The following DYNLT2 variants were observed in gnomAD, a reference collection of about 807,000 sequenced individuals.
DYNLT2 encodes the protein dynein light chain Tctex-type 2.
In DYNLT2, 24 loss-of-function variants were observed where a neutral mutation model predicts 24.3. That is an observed-to-expected ratio of 0.99 (90% CI 0.71 to 1.39). The LOEUF (loss-of-function observed/expected upper bound fraction) is 1.39. Ranked by LOEUF, DYNLT2 falls within the 40% of genes most tolerant of loss-of-function variation. The probability of loss-of-function intolerance (pLI) is 0.00; values close to 1 mark genes in which losing one functional copy is unlikely to be tolerated. For synonymous variants in DYNLT2, 85 were observed against 85.4 expected (o/e 1.00, Z 0.03); for missense variants, 246 against 234.5 (o/e 1.05, Z -0.32).
rs757724091 is a variant in DYNLT2, at chr6:169,743,115, C to G, written c.451G>C (p.Val151Leu). The G allele has an allele frequency of 2.5e-6, 4 of 1,576,268 alleles. No individual in the cohort carries two copies. The highest frequency in any genetic ancestry group is 2.6e-6 in the Non-Finnish European group (3 of 1,156,010). ...TGGCCAGTCTTTTGAATAAATAATA[C>G]TTTTATAATGAACTTATAACGGTGG... ...GYHRYKFIIKVLFIQKTGQAI... is the reference protein window; with the variant it reads ...GYHRYKFIIKLLFIQKTGQAI... Residue 151 changes from valine to leucine, a missense_variant, in exon 3 of 4, where the codon GTA (valine) becomes CTA (leucine). Transcript: ENST00000366774.
At chr6:169,738,320 C>A (rs1042596975), downstream of DYNLT2, among the ~76,000 whole-genome samples, 1 of 152,236 alleles carries the variant, frequency 6.6e-6, no homozygotes, top group African/African-American at 2.4e-5. Flanking sequence ...CAGTGCTGGC[C>A]ACCCTTCCTC....
At chr6:169,745,489 G>C (rs1789776379) in intron 1 of DYNLT2, among the ~76,000 whole-genome samples, 2 of 152,106 alleles carry the variant, frequency 1.3e-5, no homozygotes, top group Admixed American at 1.3e-4. Flanking sequence ...TATAATAAAA[G>C]AGTGTTGAAT....
chr6:169,741,859 G>C (rs1407257696), intron 3 of DYNLT2, among the ~76,000 whole-genome samples: 1 of 151,922 alleles, frequency 6.6e-6, no homozygotes, highest in Non-Finnish European at 1.5e-5. Context: ...CATCTACAAC[G>C]TCCCTATTTC....
chr6:169,739,862 T>C (rs1789636916), downstream of DYNLT2, among the ~76,000 whole-genome samples: 1 of 152,202 alleles, frequency 6.6e-6, no homozygotes, highest in Admixed American at 6.5e-5. Context: ...TGTAGCAAAT[T>C]ATCATTTTCT....
chr6:169,751,339 T>TGCCTCCTTCTCGAACATGCTAG lies in DYNLT2; in HGVS notation c.98_119dup (p.Tyr41Ter). On this transcript the variant is annotated stop_gained and frameshift_variant and splice_region_variant, in exon 1 of 4. Coordinates refer to ENST00000366774, the MANE Select transcript of DYNLT2 (RefSeq NM_174910.3). LOFTEE classifies it high-confidence loss of function. ...GGCCCCTAGCAGTCTCCGCACTCAC[T>TGCCTCCTTCTCGAACATGCTAG]GCCTCCTTCTCGAACATGCTAGGCC... 1 of 1,613,764 alleles carries TGCCTCCTTCTCGAACATGCTAG rather than the reference T, an allele frequency of 6.2e-7. No homozygotes were observed. The highest frequency in any genetic ancestry group is 8.5e-7 in the Non-Finnish European group (1 of 1,179,874).
At chr6:169,733,469 G>T in the DYNLT2 span, among the ~76,000 whole-genome samples, 4 of 152,166 alleles carry the variant, frequency 2.6e-5, no homozygotes, top group Non-Finnish European at 4.4e-5. Flanking sequence ...TGTATAAGGT[G>T]TAAGGAAGGG....
At chr6:169,728,616 A>C in the DYNLT2 span, among the ~76,000 whole-genome samples, 1 of 152,240 alleles carries the variant, frequency 6.6e-6, no homozygotes, top group Non-Finnish European at 1.5e-5. Flanking sequence ...CTTTTGTTGA[A>C]ACATCAAAAA....
At chr6:169,735,793 C>G (rs1273812951), downstream of DYNLT2, among the ~76,000 whole-genome samples, 1 of 152,134 alleles carries the variant, frequency 6.6e-6, no homozygotes, top group East Asian at 1.9e-4. Context: ...TAGACGTCTA[C>G]TAGGTCCACT....
intron 1 of DYNLT2, among the ~76,000 whole-genome samples, chr6:169,747,326 C>G (rs1789829850): frequency 6.6e-6 from 1 of 152,012 alleles, no homozygotes; most frequent in Non-Finnish European, 1.5e-5. Context: ...CACTGAGCCT[C>G]TTAGATTTGT....
chr6:169,747,697 G>C (rs748444994), intron 1 of DYNLT2, among the ~76,000 whole-genome samples: 6 of 152,226 alleles, frequency 3.9e-5, no homozygotes, highest in Non-Finnish European at 8.8e-5. Context: ...GATTAAATTT[G>C]ACGAAAACTA....
At chr6:169,736,060 G>C (rs1003216843), downstream of DYNLT2, among the ~76,000 whole-genome samples, 4 of 151,262 alleles carry the variant, frequency 2.6e-5, no homozygotes, top group African/African-American at 7.3e-5. Context: ...TTTGATCTTT[G>C]TTGGTTTAAA....
chr6:169,733,245 C>T, the DYNLT2 span, among the ~76,000 whole-genome samples: 1 of 151,966 alleles, frequency 6.6e-6, no homozygotes, highest in Non-Finnish European at 1.5e-5. Flanking sequence ...TGCCAGTTCA[C>T]TCTGATGATA....
At chr6:169,741,393 G>C (rs1789675517) in intron 3 of DYNLT2, among the ~76,000 whole-genome samples, 1 of 152,154 alleles carries the variant, frequency 6.6e-6, no homozygotes, top group Non-Finnish European at 1.5e-5. Flanking sequence ...AGTCAGACAA[G>C]TGACAGAAGC....
At chr6:169,736,215 A>G (rs996324063), downstream of DYNLT2, among the ~76,000 whole-genome samples, 1 of 151,048 alleles carries the variant, frequency 6.6e-6, no homozygotes, top group African/African-American at 2.4e-5. Flanking sequence ...GTGTCTTTGC[A>G]TGTAAGATGG....
intron 1 of DYNLT2, 200 bp downstream of exon 1, chr6:169,751,139 C>T: frequency 1.4e-6 from 1 of 724,346 alleles, no homozygotes. Flanking sequence ...AACAAGAAAA[C>T]TTTAGCACTC....
At chr6:169,743,057 TC>T in intron 3 of DYNLT2, 22 bp downstream of exon 3, 1 of 1,493,882 alleles carries the variant, frequency 6.7e-7, no homozygotes, top group Non-Finnish European at 9.0e-7. Context: ...AATTGCTAGA[TC>T]CTGTATCAAT....
chr6:169,738,678 G>A (rs1313962947), downstream of DYNLT2: 1 of 152,330 alleles, frequency 6.6e-6, no homozygotes, highest in Non-Finnish European at 1.5e-5. Flanking sequence ...ACATGCTTAT[G>A]CTTTTTTTCC....
the DYNLT2 span, among the ~76,000 whole-genome samples, chr6:169,733,072 C>T: frequency 1.3e-5 from 2 of 151,688 alleles, no homozygotes; most frequent in Non-Finnish European, 2.9e-5. Context: ...TTGTTGGCCA[C>T]ATAAATGTCT....
intron 2 of DYNLT2, among the ~76,000 whole-genome samples, chr6:169,743,757 A>G (rs572423597): frequency 1.3e-5 from 2 of 152,304 alleles, no homozygotes; most frequent in African/African-American, 2.4e-5. Flanking sequence ...TCTGGCCTCC[A>G]GGAAAATGAA....
Sources: allele counts gnomAD v4.1 joint callset (sites outside exome capture counted in the v4.1 genomes callset), GRCh38; gene constraint gnomAD v4.1.1; transcripts MANE v1.5; gene names NCBI Gene and HGNC (gene_info 2026-07-23, HGNC 2026-07-21).